CCDC33: variants seen among roughly 807,000 people sequenced by gnomAD.
CCDC33 encodes the protein coiled-coil domain containing 33.
CCDC33 carries 94 observed loss-of-function variants against 91.9 expected under a neutral mutation model. That is an observed-to-expected ratio of 1.02 (90% confidence interval 0.87 to 1.21). The LOEUF (loss-of-function observed/expected upper bound fraction) is 1.21, where lower values mean the gene tolerates loss of function less well. Ranked by LOEUF, CCDC33 falls within the 50% of genes most tolerant of loss-of-function variation. The pLI is 0.00. For missense variants in CCDC33, 940 were observed against 935.5 expected (o/e 1.00, Z -0.06); for synonymous variants, 396 against 374.5 (o/e 1.06, Z -0.66).
At chr15:74,329,045 C>G (rs949191616) in intron 11 of CCDC33, among the ~76,000 whole-genome samples, 1 of 152,144 alleles carries the variant, frequency 6.6e-6, no homozygotes, top group Non-Finnish European at 1.5e-5. Flanking sequence ...ACTGCACGAT[C>G]CTTTTCTATT....
chr15:74,330,442 C>T, intron 12 of CCDC33, 88 bp downstream of exon 12: 1 of 1,403,156 alleles, frequency 7.1e-7, no homozygotes, highest in Non-Finnish European at 9.6e-7. Context: ...GGAGCTTCTC[C>T]CAGATGTGCA....
At chr15:74,260,579 T>C (rs1178530087) in intron 2 of CCDC33, among the ~76,000 whole-genome samples, 5 of 152,122 alleles carry the variant, frequency 3.3e-5, no homozygotes, top group Non-Finnish European at 5.9e-5. Flanking sequence ...CTTATAACAC[T>C]CTCTCAGGGC....
chr15:74,255,092 TC>T (rs1268080196), intron 2 of CCDC33, among the ~76,000 whole-genome samples: 2 of 136,076 alleles, frequency 1.5e-5, no homozygotes, highest in African/African-American at 5.3e-5. Flanking sequence ...CATCCCCCTT[TC>T]CCCCCATCCT....
At chr15:74,297,649 G>A (rs1164552633) in intron 11 of CCDC33, among the ~76,000 whole-genome samples, 3 of 152,144 alleles carry the variant, frequency 2.0e-5, no homozygotes, top group African/African-American at 4.8e-5. Context: ...AGCTATGATC[G>A]TGCTACTGTA....
At chr15:74,259,205 G>A (rs1474094759) in intron 2 of CCDC33, among the ~76,000 whole-genome samples, 1 of 152,022 alleles carries the variant, frequency 6.6e-6, no homozygotes, top group Admixed American at 6.6e-5. Context: ...TGGGGGGACA[G>A]GGAGGGGGGT....
intron 2 of CCDC33, among the ~76,000 whole-genome samples, chr15:74,255,973 G>T (rs1423396702): frequency 1.3e-5 from 2 of 152,230 alleles, no homozygotes; most frequent in African/African-American, 2.4e-5. Context: ...ATTTTCCAGT[G>T]GTCTGTCCCT....
At chr15:74,242,111 A>G (rs1430304809) in intron 1 of CCDC33, among the ~76,000 whole-genome samples, 3 of 152,232 alleles carry the variant, frequency 2.0e-5, no homozygotes, top group Non-Finnish European at 4.4e-5. Flanking sequence ...AGCCTCAGGC[A>G]CTGTGCCCTT....
At chr15:74,275,328 C>A (rs1440385141) in intron 7 of CCDC33, among the ~76,000 whole-genome samples, 1 of 152,194 alleles carries the variant, frequency 6.6e-6, no homozygotes, top group Non-Finnish European at 1.5e-5. Context: ...TGCAAAGTGT[C>A]CAGGCCCAGG....
rs775582841 is a variant in CCDC33, at chr15:74,268,417, T to C, written c.505T>C (p.Phe169Leu). Reference protein sequence around the residue: ...LYATVVRKSSFIPRYIGCNHM... With the variant: ...LYATVVRKSSLIPRYIGCNHM... The stretch of plus-strand genomic sequence containing the variant: ...CGCAACAGTCGTTCGGAAGAGCAGC[T>C]TCATACCCCGCTACATCGGCTGCAA... The change falls in exon 5 of 19, where the codon TTC (phenylalanine) becomes CTC (leucine). Residue 169 changes from phenylalanine (F) to leucine (L), a missense_variant. Phe to Leu is a conservative substitution (Grantham distance 22, BLOSUM62 0). Coordinates refer to ENST00000398814, the MANE Select transcript of CCDC33 (RefSeq NM_025055.5). 5.1e-5 allele frequency: 82 copies of C among 1,605,814 alleles called. No individual in the cohort carries two copies. The highest frequency in any genetic ancestry group is 6.4e-5 in the Non-Finnish European group (75 of 1,176,062).
chr15:74,303,564 C>CCG (rs1451332150), intron 11 of CCDC33: 2 of 153,112 alleles, frequency 1.3e-5, no homozygotes, highest in East Asian at 3.8e-4. Flanking sequence ...TGCTGTGTCC[C>CCG]CTCAGTCTCC....
chr15:74,296,848 C>T (rs2059697622), intron 11 of CCDC33, among the ~76,000 whole-genome samples: 1 of 152,180 alleles, frequency 6.6e-6, no homozygotes, highest in African/African-American at 2.4e-5. Flanking sequence ...AAGAGACAGT[C>T]CAGGGAGGTG....
chr15:74,235,607 C>G (rs1272680869), upstream of CCDC33, among the ~76,000 whole-genome samples: 1 of 152,268 alleles, frequency 6.6e-6, no homozygotes, highest in South Asian at 2.1e-4. Context: ...AGCAACCCCC[C>G]ACCCCAGGCC....
chr15:74,329,024 A>G (rs773061062), intron 11 of CCDC33, among the ~76,000 whole-genome samples: 2 of 152,238 alleles, frequency 1.3e-5, no homozygotes, highest in African/African-American at 2.4e-5. Flanking sequence ...GCAGTGAGCT[A>G]TGATGGTGCC....
chr15:74,229,259 G>A lies in CCDC33; in HGVS notation c.675+10398G>A, dbSNP rs939923064. On this transcript the variant is annotated intron_variant, in intron 2 of 2. Transcript: ENST00000635913. ...TGTAATCCCAGCACTTTGGGAGACC[G>A]AGGCAGGCAGAACACTTGAGGTCAG... 3.9e-5 allele frequency among the ~76,000 whole-genome samples: 6 copies of A among 152,306 alleles called. No individual in the cohort carries two copies. In the East Asian group the frequency reaches 9.7e-4, roughly 25 times the overall value.
At chr15:74,213,409 C>T (rs1175747960), upstream of CCDC33, 1 of 152,220 alleles carries the variant, frequency 6.6e-6, no homozygotes, top group East Asian at 1.9e-4. Context: ...CGATCATTGC[C>T]CTTTTTGTCC....
intron 11 of CCDC33, among the ~76,000 whole-genome samples, chr15:74,326,815 G>A (rs953100241): frequency 6.6e-6 from 1 of 152,184 alleles, no homozygotes; most frequent in African/African-American, 2.4e-5. Flanking sequence ...GGGAGGGATT[G>A]GAGCAGGGGA....
At chr15:74,312,049 C>A (rs956705097) in intron 11 of CCDC33, 4 of 152,232 alleles carry the variant, frequency 2.6e-5, no homozygotes, top group African/African-American at 9.7e-5. Flanking sequence ...ACAGACCTTG[C>A]TCACGTAATC....
exon 2 of CCDC33, chr15:74,209,424 C>T (rs2074333968): frequency 1.3e-6 from 2 of 1,535,542 alleles, no homozygotes; most frequent in Admixed American, 2.0e-5. Context: ...AGGGGAACCA[C>T]CAGCTCGGCT....
Position 74,280,661 on chromosome 15 carries a change from C to A in CCDC33, c.890-7C>A, listed in dbSNP as rs962240487. On this transcript the variant is annotated splice_polypyrimidine_tract_variant and splice_region_variant and intron_variant, in intron 8 of 18. Transcript: ENST00000398814. ...GGCAGGAGCCCTAGTTGATCCTTCC[C>A]CCACAGTGAAAGGCAGCCAGCCGTG... The A allele has an allele frequency of 2.2e-5, 32 of 1,467,048 alleles. No individual in the cohort carries two copies. Among genetic ancestry groups the A allele is most frequent in the Non-Finnish European group, 2.7e-5 (30 of 1,104,858 alleles). The allele number at this position is 1,467,048 out of a possible 1,614,324, so 90.9% of individuals were successfully genotyped here.
Sources: allele counts gnomAD v4.1 joint callset (sites outside exome capture counted in the v4.1 genomes callset), GRCh38; gene constraint gnomAD v4.1.1; transcripts MANE v1.5; gene names NCBI Gene and HGNC (gene_info 2026-07-23, HGNC 2026-07-21).